The following BTBD9 variants were observed in gnomAD, a reference collection of about 807,000 sequenced individuals.
The protein encoded by BTBD9 is BTB/POZ domain-containing protein 9.
A neutral mutation model predicts 64.3 loss-of-function variants in BTBD9; 49 were observed. That is an observed-to-expected ratio of 0.76 (90% confidence interval 0.61 to 0.97). The LOEUF is 0.97. BTBD9 is among the 50% of genes least tolerant of loss of function. The pLI, the probability that BTBD9 is intolerant of heterozygous loss-of-function variation, is 0.00. For missense variants in BTBD9, 598 were observed against 762.1 expected, an observed-to-expected ratio of 0.78 and a Z score of 2.53; for synonymous variants, 260 against 274.7, an observed-to-expected ratio of 0.95 and a Z score of 0.53.
chr6:38,275,050 A>G (rs1561958377), intron 8 of BTBD9, among the ~76,000 whole-genome samples: 1 of 152,232 alleles, frequency 6.6e-6, no homozygotes, highest in Non-Finnish European at 1.5e-5. Context: ...GTCAATCCTA[A>G]GCCAAAAGAA....
intron 7 of BTBD9, among the ~76,000 whole-genome samples, chr6:38,320,284 T>C (rs1193273170): frequency 6.6e-6 from 1 of 152,182 alleles, no homozygotes. Context: ...TGGTAGACAC[T>C]TGTCAAATTT....
chr6:38,316,453 T>C (rs1401247875), intron 7 of BTBD9, among the ~76,000 whole-genome samples: 3 of 152,194 alleles, frequency 2.0e-5, no homozygotes, highest in Non-Finnish European at 4.4e-5. Flanking sequence ...TTATTTTTTG[T>C]ATCTATTGTA....
chr6:38,432,329 C>T (rs2127296745), intron 6 of BTBD9, among the ~76,000 whole-genome samples: 1 of 152,118 alleles, frequency 6.6e-6, no homozygotes, highest in Middle Eastern at 3.4e-3. Flanking sequence ...CATCTTGCCT[C>T]TAGCCTCACA....
At chr6:38,261,644 G>T (rs1764798311) in intron 8 of BTBD9, among the ~76,000 whole-genome samples, 1 of 152,116 alleles carries the variant, frequency 6.6e-6, no homozygotes, top group South Asian at 2.1e-4. Flanking sequence ...ATCATAGTTT[G>T]CATGCTGAAG....
intron 6 of BTBD9, among the ~76,000 whole-genome samples, chr6:38,449,841 G>C (rs903172022): frequency 2.0e-5 from 3 of 152,148 alleles, no homozygotes; most frequent in Admixed American, 2.0e-4. Context: ...AGAAAACAGA[G>C]GGGGAAAGCT....
chr6:38,272,776 C>A (rs1381785705), intron 8 of BTBD9, among the ~76,000 whole-genome samples: 2 of 152,000 alleles, frequency 1.3e-5, no homozygotes, highest in African/African-American at 2.4e-5. Context: ...TCCTATGAAC[C>A]TTCTAATAAA....
chr6:38,309,145 G>GGATC (rs1762735555), intron 7 of BTBD9, among the ~76,000 whole-genome samples: 1 of 151,644 alleles, frequency 6.6e-6, no homozygotes, highest in African/African-American at 2.4e-5. Flanking sequence ...TGAAGCAGGT[G>GGATC]GATCACCTGA....
intron 6 of BTBD9, among the ~76,000 whole-genome samples, chr6:38,470,662 A>G (rs1393016011): frequency 6.6e-6 from 1 of 152,238 alleles, no homozygotes; most frequent in Non-Finnish European, 1.5e-5. Flanking sequence ...CCAACAAGAG[A>G]AGAACTGGCC....
intron 6 of BTBD9, among the ~76,000 whole-genome samples, chr6:38,406,415 A>G (rs1239792538): frequency 1.3e-5 from 2 of 152,190 alleles, no homozygotes; most frequent in Non-Finnish European, 2.9e-5. Flanking sequence ...ACTGTAGAGG[A>G]ATATACATAC....
chr6:38,417,800 GAAAAA>G lies in BTBD9; in HGVS notation c.1155-72712_1155-72708del, dbSNP rs10694538. On this transcript the variant is annotated intron_variant, in intron 6 of 10. Transcript: ENST00000481247. ...GGAGAGAGAGAGAGAGAGAGAGAGA[GAAAAA>G]AAATATTGACACATAACTGGTATTT... Among the ~76,000 whole-genome samples, 38 of 143,024 alleles carry G rather than the reference GAAAAA, an allele frequency of 2.7e-4. 1 individual carries two copies. Among genetic ancestry groups the G allele is most frequent in the African/African-American group, 9.5e-4 (35 of 36,708 alleles). 93.8% of individuals were successfully genotyped at this position (143,024 alleles called of 152,430 possible).
chr6:38,347,439 C>T (rs1180798874), intron 6 of BTBD9, among the ~76,000 whole-genome samples: 4 of 152,066 alleles, frequency 2.6e-5, no homozygotes, highest in Admixed American at 2.6e-4. Flanking sequence ...ATGTAATGCT[C>T]ATAACAAGTT....
chr6:38,543,486 C>A (rs1003222374), intron 6 of BTBD9, among the ~76,000 whole-genome samples: 5 of 152,192 alleles, frequency 3.3e-5, no homozygotes, highest in African/African-American at 7.2e-5. Flanking sequence ...CAATGCACTA[C>A]AATAAGAGCT....
At chr6:38,415,098 A>G (rs569373247) in intron 6 of BTBD9, among the ~76,000 whole-genome samples, 1 of 152,242 alleles carries the variant, frequency 6.6e-6, no homozygotes, top group East Asian at 1.9e-4. Flanking sequence ...ATCATTATCA[A>G]TATAGACCTA....
At chr6:38,277,095 G>A (rs1258687974) in intron 8 of BTBD9, among the ~76,000 whole-genome samples, 1 of 152,170 alleles carries the variant, frequency 6.6e-6, no homozygotes, top group Non-Finnish European at 1.5e-5. Context: ...TGATCAATCA[G>A]GAGGTACTAG....
chr6:38,426,346 G>A (rs1768147168), intron 6 of BTBD9, among the ~76,000 whole-genome samples: 3 of 151,958 alleles, frequency 2.0e-5, no homozygotes, highest in South Asian at 2.1e-4. Context: ...ACAGCACGGC[G>A]GGAGGGACAA....
chr6:38,470,694 G>T (rs150726163), intron 6 of BTBD9, among the ~76,000 whole-genome samples: 11 of 152,218 alleles, frequency 7.2e-5, no homozygotes, highest in African/African-American at 2.7e-4. Flanking sequence ...AGAAGAGTGT[G>T]TACCTCTGCA....
Position 38,488,338 on chromosome 6 carries a change from A to G in BTBD9, c.1154+89262T>C, listed in dbSNP as rs114832475. 3.1e-3 allele frequency among the ~76,000 whole-genome samples: 479 copies of G among 152,254 alleles called. 2 individuals are homozygous for G. The highest frequency in any genetic ancestry group is 0.011 in the African/African-American group (459 of 41,548). ...GATCTAGCCTCCCAACTTAGCATCAATGAGATGATATTAGGGGACAAAAAA... is the reference window on the plus strand; with the variant it reads ...GATCTAGCCTCCCAACTTAGCATCAGTGAGATGATATTAGGGGACAAAAAA... On this transcript the variant is annotated intron_variant, in intron 6 of 10. Transcript: ENST00000481247.
intron 1 of BTBD9, among the ~76,000 whole-genome samples, chr6:38,632,872 T>C (rs1778408971): frequency 6.6e-6 from 1 of 152,058 alleles, no homozygotes. Context: ...GTCGAGGTTA[T>C]AGTGAGCTAG....
At chr6:38,260,724 T>A (rs2127537731) in intron 8 of BTBD9, among the ~76,000 whole-genome samples, 1 of 152,334 alleles carries the variant, frequency 6.6e-6, no homozygotes, top group East Asian at 1.9e-4. Flanking sequence ...GAAATTCCAG[T>A]AACTTTTAAA....
Sources: gnomAD v4.1 joint callset for allele counts (sites outside exome capture counted in the v4.1 genomes callset) on GRCh38, gnomAD v4.1.1 for gene constraint, MANE v1.5 for transcripts, NCBI Gene and HGNC (gene_info 2026-07-23, HGNC 2026-07-21) for gene names.